COMMD10: variants seen among roughly 807,000 people sequenced by gnomAD.
COMMD10 encodes the protein COMM domain containing 10.
In COMMD10, 33 loss-of-function variants were observed where a neutral mutation model predicts 28.9. The observed-to-expected ratio is 1.14, with a 90% confidence interval of 0.87 to 1.53. COMMD10 has a LOEUF of 1.53. COMMD10 is among the 40% of genes most tolerant of loss of function. The pLI, the probability that COMMD10 is intolerant of heterozygous loss-of-function variation, is 0.00. For synonymous variants in COMMD10, 110 were observed against 81.7 expected, an observed-to-expected ratio of 1.35 and a Z score of -1.87; for missense variants, 310 against 233.4, an observed-to-expected ratio of 1.33 and a Z score of -2.14.
intron 5 of COMMD10, among the ~76,000 whole-genome samples, chr5:116,282,889 G>C (rs1473370103): frequency 6.6e-6 from 1 of 151,844 alleles, no homozygotes; most frequent in Non-Finnish European, 1.5e-5. Flanking sequence ...AAAATTTTGA[G>C]AACACAGAAT....
chr5:116,138,437 A>G (rs1752094726), intron 5 of COMMD10, among the ~76,000 whole-genome samples: 1 of 151,864 alleles, frequency 6.6e-6, no homozygotes, highest in African/African-American at 2.4e-5. Flanking sequence ...ATTTGTAACA[A>G]ATGTTGATAA....
chr5:116,144,252 G>T (rs1194690302), intron 5 of COMMD10, among the ~76,000 whole-genome samples: 2 of 151,856 alleles, frequency 1.3e-5, no homozygotes, highest in Non-Finnish European at 1.5e-5. Flanking sequence ...TTATGACAGT[G>T]ATTGGGAAGG....
chr5:116,279,086 A>T (rs558349360), intron 5 of COMMD10, among the ~76,000 whole-genome samples: 1 of 151,792 alleles, frequency 6.6e-6, no homozygotes, highest in Non-Finnish European at 1.5e-5. Context: ...TAGGATGTGC[A>T]TGCATGCAAT....
At chr5:116,267,830 G>C (rs1478986511) in intron 5 of COMMD10, among the ~76,000 whole-genome samples, 4 of 151,660 alleles carry the variant, frequency 2.6e-5, no homozygotes, top group East Asian at 3.9e-4. Context: ...ACAAACCTGA[G>C]AAAAACAAGC....
intron 5 of COMMD10, among the ~76,000 whole-genome samples, chr5:116,283,323 G>C (rs1426496255): frequency 6.6e-6 from 1 of 151,112 alleles, no homozygotes; most frequent in African/African-American, 2.4e-5. Context: ...TCAATATCTT[G>C]GCCTATCTAG....
At chr5:116,268,284 G>A (rs1266052617) in intron 5 of COMMD10, among the ~76,000 whole-genome samples, 1 of 151,622 alleles carries the variant, frequency 6.6e-6, no homozygotes, top group Non-Finnish European at 1.5e-5. Context: ...TCAAAAAGTG[G>A]GTGAAGGATA....
At chr5:116,134,579 A>G (rs1443791396) in intron 5 of COMMD10, among the ~76,000 whole-genome samples, 1 of 152,174 alleles carries the variant, frequency 6.6e-6, no homozygotes, top group Non-Finnish European at 1.5e-5. Flanking sequence ...GTGTAGTAGT[A>G]TAGTATGCCT....
intron 5 of COMMD10, among the ~76,000 whole-genome samples, chr5:116,245,777 A>T (rs1462778890): frequency 6.6e-6 from 1 of 152,026 alleles, no homozygotes; most frequent in African/African-American, 2.4e-5. Flanking sequence ...AAGGCATTTG[A>T]TACAATTCAT....
chr5:116,155,921 A>G (rs1752690011), intron 5 of COMMD10, among the ~76,000 whole-genome samples: 1 of 152,112 alleles, frequency 6.6e-6, no homozygotes, highest in African/African-American at 2.4e-5. Context: ...ATAGAAGTCA[A>G]TTATCTTAAC....
chr5:116,171,255 A>G (rs918574971), intron 5 of COMMD10, among the ~76,000 whole-genome samples: 6 of 152,244 alleles, frequency 3.9e-5, no homozygotes, highest in Non-Finnish European at 8.8e-5. Context: ...CATTAGAGAA[A>G]TGCAAATCAA....
In COMMD10 at chr5:116,263,264, A is replaced by G. The variant is rs1012925051; in HGVS notation, c.511-28253A>G. The stretch of plus-strand genomic sequence containing the variant: ...TCATTTATCTTGCCCAAATTCCTAC[A>G]TAAGGGATCTAGAGAGTCATGCCCT... On this transcript the variant is annotated intron_variant, in intron 5 of 6. Coordinates refer to ENST00000274458, the MANE Select transcript of COMMD10 (RefSeq NM_016144.4). 4.0e-5 allele frequency among the ~76,000 whole-genome samples: 6 copies of G among 151,838 alleles called. 1 individual carries two copies. The highest frequency in any genetic ancestry group is 1.5e-4 in the African/African-American group (6 of 41,194).
intron 5 of COMMD10, among the ~76,000 whole-genome samples, chr5:116,263,303 T>G (rs867475422): frequency 5.3e-5 from 8 of 151,872 alleles, no homozygotes; most frequent in African/African-American, 1.5e-4. Flanking sequence ...AACCATAAAT[T>G]CTCATCAGAT....
chr5:116,219,295 TCCCTTC>T (rs562802660), intron 5 of COMMD10, among the ~76,000 whole-genome samples: 6 of 152,104 alleles, frequency 3.9e-5, no homozygotes, highest in Admixed American at 3.3e-4. Flanking sequence ...TTTCTCCCTT[TCCCTTC>T]CCCTTCCCCT....
At chr5:116,135,253 T>C (rs1210189865) in intron 5 of COMMD10, among the ~76,000 whole-genome samples, 3 of 152,082 alleles carry the variant, frequency 2.0e-5, no homozygotes, top group Non-Finnish European at 4.4e-5. Context: ...GGAAGAAATG[T>C]TATTATTTAT....
At chr5:116,144,150 T>C (rs749215800) in intron 5 of COMMD10, among the ~76,000 whole-genome samples, 2 of 151,820 alleles carry the variant, frequency 1.3e-5, no homozygotes, top group Non-Finnish European at 2.9e-5. Context: ...TTGGAAATCA[T>C]TGAGTTTATA....
At chr5:116,120,152 C>G (rs113323563) in intron 4 of COMMD10, among the ~76,000 whole-genome samples, 6,164 of 152,150 alleles carry the variant, frequency 0.041, 179 homozygotes, top group Admixed American at 0.085. Context: ...TATATATACA[C>G]TATGGAGTAC....
At chr5:116,155,938 A>C (rs1181906717) in intron 5 of COMMD10, among the ~76,000 whole-genome samples, 1 of 152,098 alleles carries the variant, frequency 6.6e-6, no homozygotes, top group Non-Finnish European at 1.5e-5. Context: ...TAACAAATTG[A>C]GGTCCTACAA....
intron 5 of COMMD10, among the ~76,000 whole-genome samples, chr5:116,179,220 T>C (rs1161488144): frequency 1.3e-5 from 2 of 152,186 alleles, no homozygotes; most frequent in East Asian, 3.8e-4. Context: ...ACCTTTAATG[T>C]ACGATTAAGT....
Position 116,271,706 on chromosome 5 carries a change from G to T in COMMD10, c.511-19811G>T, listed in dbSNP as rs138203808. Among the ~76,000 whole-genome samples the T allele has an allele frequency of 2.3e-3, 351 of 151,960 alleles. 6 individuals carry two copies. The highest frequency in any genetic ancestry group is 7.7e-3 in the African/African-American group (318 of 41,310). The stretch of plus-strand genomic sequence containing the variant: ...TCTACTTGGAAGAGTTTGATTTGCA[G>T]CATAGTCCTTGGCTGCTTCTACAAG... On this transcript the variant is annotated intron_variant, in intron 5 of 6. Transcript: ENST00000274458.
Sources: allele counts gnomAD v4.1 joint callset (sites outside exome capture counted in the v4.1 genomes callset), GRCh38; gene constraint gnomAD v4.1.1; transcripts MANE v1.5; gene names NCBI Gene and HGNC (gene_info 2026-07-23, HGNC 2026-07-21).